ADAMTS3: variants seen among roughly 807,000 people sequenced by gnomAD.
ADAMTS3 encodes the protein ADAM metallopeptidase with thrombospondin type 1 motif 3.
A neutral mutation model predicts 129.0 loss-of-function variants in ADAMTS3; 73 were observed. That is an observed-to-expected ratio of 0.57 (90% CI 0.47 to 0.69). The LOEUF (loss-of-function observed/expected upper bound fraction) is 0.69. Ranked by LOEUF, ADAMTS3 falls within the 30% of genes least tolerant of loss-of-function variation. The pLI is 0.00. For missense variants in ADAMTS3, 1,457 were observed against 1,514.5 expected, an observed-to-expected ratio of 0.96 and a Z score of 0.63; for synonymous variants, 477 against 510.8, an observed-to-expected ratio of 0.93 and a Z score of 0.89.
intron 4 of ADAMTS3, among the ~76,000 whole-genome samples, chr4:72,344,294 T>A (rs1276206388): frequency 5.3e-5 from 8 of 152,158 alleles, no homozygotes; most frequent in Non-Finnish European, 8.8e-5. Flanking sequence ...TTATAGGAAA[T>A]CAAAGTATAG....
intron 4 of ADAMTS3, among the ~76,000 whole-genome samples, chr4:72,351,506 A>G (rs992843413): frequency 3.3e-5 from 5 of 151,650 alleles, no homozygotes; most frequent in African/African-American, 1.2e-4. Flanking sequence ...AACACACAGT[A>G]TCATATGTAA....
intron 6 of ADAMTS3, among the ~76,000 whole-genome samples, chr4:72,322,130 C>G (rs554873129): frequency 6.6e-6 from 1 of 152,178 alleles, no homozygotes; most frequent in Non-Finnish European, 1.5e-5. Flanking sequence ...AATGCTTTAA[C>G]AACCAATTGG....
chr4:72,521,213 G>T (rs1215208943), intron 3 of ADAMTS3, among the ~76,000 whole-genome samples: 1 of 152,006 alleles, frequency 6.6e-6, no homozygotes, highest in Non-Finnish European at 1.5e-5. Flanking sequence ...GGCCAGGCTG[G>T]TCTCGAACTC....
intron 4 of ADAMTS3, among the ~76,000 whole-genome samples, chr4:72,396,475 T>C (rs1211860909): frequency 2.0e-5 from 3 of 151,770 alleles, no homozygotes; most frequent in Non-Finnish European, 4.4e-5. Context: ...AAAAAAGAAA[T>C]GATGACACCC....
At chr4:72,446,197 T>C (rs537388426) in intron 3 of ADAMTS3, among the ~76,000 whole-genome samples, 15 of 151,802 alleles carry the variant, frequency 9.9e-5, no homozygotes, top group African/African-American at 3.6e-4. Flanking sequence ...AGGTGTCAAC[T>C]TCTGACAGTT....
At position 72,306,031 on chromosome 4, in the gene ADAMTS3, C is replaced by T. The variant is rs770215582; in HGVS notation, c.2216G>A (p.Arg739Lys). ...LKMFDIPPGARHVLIQEDEAS... is the reference protein window; with the variant it reads ...LKMFDIPPGAKHVLIQEDEAS... Reference sequence around the variant, plus strand: ...CTCGTCTTCTTGGATTAACACATGTCTAGCCCCAGGGGGTATATCAAACAT... The same window carrying T: ...CTCGTCTTCTTGGATTAACACATGTTTAGCCCCAGGGGGTATATCAAACAT... The change falls in exon 16 of 22, where the codon AGA (arginine) becomes AAA (lysine). Residue 739 changes from arginine (R) to lysine (K), a missense_variant. Coordinates refer to ENST00000286657, the MANE Select transcript of ADAMTS3 (RefSeq NM_014243.3). 6.2e-7 allele frequency: 1 copy of T among 1,611,202 alleles called. No individual in the cohort carries two copies. Among genetic ancestry groups the T allele is most frequent in the African/African-American group, 1.3e-5 (1 of 74,702 alleles).
At chr4:72,356,425 AT>A (rs1358230112) in intron 4 of ADAMTS3, among the ~76,000 whole-genome samples, 3 of 151,890 alleles carry the variant, frequency 2.0e-5, no homozygotes, top group Non-Finnish European at 4.4e-5. Flanking sequence ...AATTTTTATT[AT>A]TTATGGATTT....
At chr4:72,462,612 T>C (rs1043368874) in intron 3 of ADAMTS3, among the ~76,000 whole-genome samples, 22 of 151,956 alleles carry the variant, frequency 1.4e-4, no homozygotes, top group Admixed American at 4.6e-4. Flanking sequence ...CCTGATCCCA[T>C]GTAGGCCGAG....
chr4:72,528,222 A>G (rs558353536), intron 3 of ADAMTS3, among the ~76,000 whole-genome samples: 1 of 152,112 alleles, frequency 6.6e-6, no homozygotes, highest in South Asian at 2.1e-4. Context: ...TTTAAAAAAA[A>G]AAAGTTTCCA....
intron 5 of ADAMTS3, among the ~76,000 whole-genome samples, chr4:72,329,984 G>T (rs1406126467): frequency 6.6e-6 from 1 of 151,964 alleles, no homozygotes; most frequent in African/African-American, 2.4e-5. Context: ...GCTTCAACCA[G>T]TATCTATAGG....
At chr4:72,485,815 G>T (rs1719575816) in intron 3 of ADAMTS3, among the ~76,000 whole-genome samples, 1 of 152,136 alleles carries the variant, frequency 6.6e-6, no homozygotes, top group Non-Finnish European at 1.5e-5. Flanking sequence ...AGGTAATAAG[G>T]TCATGAGGGC....
At chr4:72,562,230 T>G (rs572104517) in intron 2 of ADAMTS3, among the ~76,000 whole-genome samples, 55 of 152,150 alleles carry the variant, frequency 3.6e-4, no homozygotes, top group Non-Finnish European at 6.6e-4. Context: ...AAGAAAGAAA[T>G]AATTCTAAAG....
chr4:72,406,010 C>G (rs1424248038), intron 4 of ADAMTS3, among the ~76,000 whole-genome samples: 1 of 152,126 alleles, frequency 6.6e-6, no homozygotes, highest in Non-Finnish European at 1.5e-5. Flanking sequence ...ATCTAAGAAG[C>G]TGTGACTCCC....
intron 2 of ADAMTS3, among the ~76,000 whole-genome samples, chr4:72,552,712 G>T (rs528579508): frequency 6.6e-6 from 1 of 152,260 alleles, no homozygotes; most frequent in Non-Finnish European, 1.5e-5. Context: ...TGTACTTGCT[G>T]ATTCCTCTGC....
rs1292975102 is a variant in ADAMTS3, at chr4:72,339,499, T to A, written c.856A>T (p.Asn286Tyr). 2 of 1,613,796 alleles carry A rather than the reference T, an allele frequency of 1.2e-6. No homozygotes were observed. The highest frequency in any genetic ancestry group is 2.2e-5 in the South Asian group (2 of 91,080). The change falls in exon 5 of 22, where the codon AAC (asparagine) becomes TAC (tyrosine). Residue 286 changes from asparagine (N) to tyrosine (Y), a missense_variant. Asn to Tyr is a moderately radical substitution (Grantham distance 143). Coordinates refer to ENST00000286657, the MANE Select transcript of ADAMTS3 (RefSeq NM_014243.3). ...HVQNYLLTLMNIVNEIYHDES... is the reference protein window; with the variant it reads ...HVQNYLLTLMYIVNEIYHDES... ...AAAAAGGAGTCACTACTCACAATGT[T>A]CATTAGGGTCAGGAGGTAGTTTTGG...
At chr4:72,374,907 ATTTCT>A (rs1326957905) in intron 4 of ADAMTS3, among the ~76,000 whole-genome samples, 2 of 152,194 alleles carry the variant, frequency 1.3e-5, no homozygotes, top group East Asian at 3.8e-4. Context: ...GAAAGTAGGT[ATTTCT>A]AAGACATTCC....
At chr4:72,336,780 C>A (rs865871790) in intron 5 of ADAMTS3, among the ~76,000 whole-genome samples, 12 of 152,162 alleles carry the variant, frequency 7.9e-5, no homozygotes, top group Non-Finnish European at 1.5e-4. Flanking sequence ...GTAGGGCTGT[C>A]TGTTGCGCTG....
At chr4:72,360,283 C>A (rs781093445) in intron 4 of ADAMTS3, among the ~76,000 whole-genome samples, 30 of 151,940 alleles carry the variant, frequency 2.0e-4, no homozygotes, top group Non-Finnish European at 3.7e-4. Flanking sequence ...GTAGTCATGA[C>A]GAAGCTTAAA....
intron 3 of ADAMTS3, among the ~76,000 whole-genome samples, chr4:72,435,867 G>A (rs552837834): frequency 1.3e-5 from 2 of 152,138 alleles, no homozygotes; most frequent in African/African-American, 4.8e-5. Flanking sequence ...ATAGATTAGA[G>A]ACTTAAATGT....
Sources: gnomAD v4.1 joint callset for allele counts (sites outside exome capture counted in the v4.1 genomes callset) on GRCh38, gnomAD v4.1.1 for gene constraint, MANE v1.5 for transcripts, NCBI Gene and HGNC (gene_info 2026-07-23, HGNC 2026-07-21) for gene names.